Variants in AIG1 observed in about 807,000 individuals in gnomAD.
AIG1 encodes the protein androgen-induced gene 1 protein.
A neutral mutation model predicts 31.4 loss-of-function variants in AIG1; 23 were observed. The ratio of observed to expected loss-of-function variants is 0.73; its 90% CI spans 0.53 to 1.04. AIG1 has a LOEUF of 1.04. Ranked by LOEUF, AIG1 falls within the 50% of genes least tolerant of loss-of-function variation. The pLI is 0.00. For synonymous variants in AIG1, 100 were observed against 110.5 expected, an observed-to-expected ratio of 0.90 and a Z score of 0.60; for missense variants, 274 against 295.0, an observed-to-expected ratio of 0.93 and a Z score of 0.52.
intron 3 of AIG1, among the ~76,000 whole-genome samples, chr6:143,172,031 T>G (rs1787688152): frequency 6.6e-6 from 1 of 152,152 alleles, no homozygotes; most frequent in African/African-American, 2.4e-5. Context: ...TGGGATTGTT[T>G]GATTTTTTTT....
chr6:143,137,411 G>A (rs1034363588), intron 2 of AIG1, among the ~76,000 whole-genome samples: 2 of 152,178 alleles, frequency 1.3e-5, no homozygotes, highest in East Asian at 1.9e-4. Context: ...CAGTCACATT[G>A]TGAGATTCTG....
intron 2 of AIG1, among the ~76,000 whole-genome samples, chr6:143,140,375 TTC>T (rs1562418502): frequency 6.6e-6 from 1 of 152,186 alleles, no homozygotes; most frequent in Non-Finnish European, 1.5e-5. Flanking sequence ...TTTTTCGTCT[TTC>T]TGTCTCTAAT....
At chr6:143,339,438 A>G in intron 5 of AIG1, 1 of 476,688 alleles carries the variant, frequency 2.1e-6, no homozygotes, top group Non-Finnish European at 3.7e-6. Context: ...TGGGGAAGAG[A>G]GGTCACTGAG....
intron 3 of AIG1, among the ~76,000 whole-genome samples, chr6:143,201,184 T>C (rs1213556728): frequency 6.6e-6 from 1 of 152,098 alleles, no homozygotes; most frequent in East Asian, 1.9e-4. Context: ...TGGCTGAAGT[T>C]TGTAGTCCTT....
At chr6:143,209,751 A>G (rs1043562244) in intron 3 of AIG1, among the ~76,000 whole-genome samples, 8 of 152,210 alleles carry the variant, frequency 5.3e-5, no homozygotes, top group African/African-American at 1.9e-4. Flanking sequence ...CCCCAAGTTC[A>G]TGGTAATTGG....
Position 143,137,003 on chromosome 6 carries a change from G to C in AIG1, c.297+13G>C. On this transcript the variant is annotated intron_variant, in intron 2 of 5. Coordinates refer to ENST00000357847, the MANE Select transcript of AIG1 (RefSeq NM_016108.4). ...TCCTGTTGGGGTTGTGAGTATGATG[G>C]AGGATGCATTTAGCCACAAAAGAAA... The C allele has an allele frequency of 7.3e-7, 1 of 1,378,822 alleles. No individual in the cohort carries two copies. The highest frequency in any genetic ancestry group is 9.5e-7 in the Non-Finnish European group (1 of 1,051,256). The allele number at this position is 1,378,822 out of a possible 1,614,324, so 85.4% of individuals were successfully genotyped here. A position where few individuals can be genotyped will look rare whatever the true frequency, so the allele number is the denominator to read the frequency against.
intron 4 of AIG1, among the ~76,000 whole-genome samples, chr6:143,312,784 G>GA (rs921835688): frequency 2.8e-4 from 43 of 150,950 alleles, no homozygotes; most frequent in African/African-American, 8.6e-4. Context: ...CACAGATTGG[G>GA]AAAAAAAATA....
At chr6:143,161,704 A>C (rs1786399234) in intron 2 of AIG1, among the ~76,000 whole-genome samples, 1 of 152,074 alleles carries the variant, frequency 6.6e-6, no homozygotes. Context: ...CTCAAGTATG[A>C]AACAAAACCA....
At chr6:143,309,675 C>A (rs976449744) in intron 4 of AIG1, among the ~76,000 whole-genome samples, 1 of 151,714 alleles carries the variant, frequency 6.6e-6, no homozygotes, top group African/African-American at 2.4e-5. Context: ...ATGTGAATAG[C>A]CTAATACACC....
intron 3 of AIG1, among the ~76,000 whole-genome samples, chr6:143,282,861 G>T (rs1431399406): frequency 6.6e-6 from 1 of 152,156 alleles, no homozygotes; most frequent in Non-Finnish European, 1.5e-5. Flanking sequence ...TTGCCACCTG[G>T]TTCTATTTTG....
chr6:143,071,145 ATTTTTGTC>A (rs1777215579), intron 1 of AIG1, among the ~76,000 whole-genome samples: 2 of 152,098 alleles, frequency 1.3e-5, no homozygotes, highest in Admixed American at 1.3e-4. Context: ...TCTTTCTATG[ATTTTTGTC>A]ATTTCAAGAA....
chr6:143,069,239 A>G (rs553453229), intron 1 of AIG1, among the ~76,000 whole-genome samples: 117 of 152,002 alleles, frequency 7.7e-4, no homozygotes, highest in African/African-American at 2.7e-3. Context: ...TTGGGCTCGA[A>G]CTCCTGGGCT....
chr6:143,170,700 C>G (rs1787424149), intron 3 of AIG1, among the ~76,000 whole-genome samples: 1 of 149,360 alleles, frequency 6.7e-6, no homozygotes, highest in South Asian at 2.1e-4. Context: ...TCTTGCTTTT[C>G]TAGTTCCTTG....
At chr6:143,123,343 C>T (rs187015444) in intron 1 of AIG1, among the ~76,000 whole-genome samples, 59 of 152,286 alleles carry the variant, frequency 3.9e-4, no homozygotes, top group Admixed American at 6.5e-4. Context: ...TTTCATTACA[C>T]TTGAATCAAG....
chr6:143,321,614 A>G (rs760806911), intron 4 of AIG1, among the ~76,000 whole-genome samples: 1 of 152,108 alleles, frequency 6.6e-6, no homozygotes, highest in Admixed American at 6.6e-5. Context: ...ATGAAATGAA[A>G]TGAAATCTAG....
chr6:143,337,097 C>T (rs1777553098), intron 5 of AIG1, among the ~76,000 whole-genome samples: 1 of 152,206 alleles, frequency 6.6e-6, no homozygotes, highest in Non-Finnish European at 1.5e-5. Context: ...AGGAGCCCCA[C>T]CCCCACAGCC....
intron 1 of AIG1, among the ~76,000 whole-genome samples, chr6:143,065,337 G>A (rs946110240): frequency 6.6e-6 from 1 of 152,162 alleles, no homozygotes; most frequent in African/African-American, 2.4e-5. Context: ...CTATCATTAA[G>A]TAACATGTCA....
chr6:143,297,651 C>T lies in AIG1; in HGVS notation c.515+13426C>T, dbSNP rs137890632. Among the ~76,000 whole-genome samples the T allele has an allele frequency of 3.9e-5, 6 of 152,280 alleles. No individual in the cohort carries two copies. The East Asian group carries it at 7.7e-4, about 20-fold the overall frequency. ...CCCATTTCCTGTAACACTGCTCCTA[C>T]TCAGCCTCCTTGGGAGGCCCCATTC... On this transcript the variant is annotated intron_variant, in intron 4 of 5. Coordinates refer to ENST00000357847, the MANE Select transcript of AIG1 (RefSeq NM_016108.4). This position sits in a 1 kb window ranked among gnomAD's most constrained non-coding sequence, Gnocchi z 5.1.
chr6:143,335,761 T>A (rs567781128), intron 5 of AIG1, among the ~76,000 whole-genome samples: 1 of 151,640 alleles, frequency 6.6e-6, no homozygotes, highest in Non-Finnish European at 1.5e-5. Context: ...TCAAGACCAG[T>A]CTGGCCAACA....
Sources: allele counts gnomAD v4.1 joint callset (sites outside exome capture counted in the v4.1 genomes callset), GRCh38; gene constraint gnomAD v4.1.1; non-coding constraint Gnocchi (gnomAD v3.1); transcripts MANE v1.5; gene names NCBI Gene and HGNC (gene_info 2026-07-23, HGNC 2026-07-21).